Variants in FARP1 observed in about 807,000 individuals in gnomAD.
FARP1 encodes FERM, ARH/RhoGEF and pleckstrin domain protein 1, also known as FERM, ARHGEF and pleckstrin domain-containing protein 1.
FARP1 carries 52 observed loss-of-function variants against 128.8 expected under a neutral mutation model. The ratio of observed to expected loss-of-function variants is 0.40; its 90% CI spans 0.32 to 0.51. The LOEUF (loss-of-function observed/expected upper bound fraction) is 0.51, where lower values mean the gene tolerates loss of function less well. Ranked by LOEUF, FARP1 falls within the 20% of genes least tolerant of loss-of-function variation. FARP1 has a pLI of 0.45. For missense variants in FARP1, 1,333 were observed against 1,367.9 expected (o/e 0.97, Z 0.40); for synonymous variants, 580 against 551.8 (o/e 1.05, Z -0.72).
chr13:98,411,494 A>T (rs1347350570), intron 15 of FARP1, among the ~76,000 whole-genome samples: 1 of 152,200 alleles, frequency 6.6e-6, no homozygotes. Context: ...AGGTTTGGCC[A>T]CCTTCATGCC....
At chr13:98,377,061 G>A (rs1245027576) in intron 5 of FARP1, among the ~76,000 whole-genome samples, 1 of 152,098 alleles carries the variant, frequency 6.6e-6, no homozygotes, top group African/African-American at 2.4e-5. Context: ...CCAGCACTTT[G>A]GGAGGCCGAG....
chr13:98,445,778 C>CGGTG, intron 24 of FARP1: 2 of 226,504 alleles, frequency 8.8e-6, no homozygotes, highest in Non-Finnish European at 8.9e-6. Context: ...AGTGTGATCT[C>CGGTG]GTCTTCACTA....
At chr13:98,227,316 A>G (rs1381088293) in intron 2 of FARP1, among the ~76,000 whole-genome samples, 3 of 152,174 alleles carry the variant, frequency 2.0e-5, no homozygotes, top group Non-Finnish European at 4.4e-5. Context: ...CCACGTTGAA[A>G]AAATGTCTTC....
At chr13:98,444,977 G>A (rs1892731364) in intron 24 of FARP1, among the ~76,000 whole-genome samples, 1 of 152,182 alleles carries the variant, frequency 6.6e-6, no homozygotes, top group African/African-American at 2.4e-5. Context: ...GATGGCTGGA[G>A]CTGCCTGCCT....
intron 2 of FARP1, among the ~76,000 whole-genome samples, chr13:98,277,448 A>G (rs1310777459): frequency 2.0e-5 from 3 of 152,134 alleles, no homozygotes; most frequent in Non-Finnish European, 4.4e-5. Flanking sequence ...GTTTTATACC[A>G]TGCCTGGCTT....
chr13:98,221,203 T>C, intron 2 of FARP1, among the ~76,000 whole-genome samples: 1 of 152,210 alleles, frequency 6.6e-6, no homozygotes, highest in Non-Finnish European at 1.5e-5. Flanking sequence ...CAGATTTGGT[T>C]CTCATGAAAG....
chr13:98,295,970 T>C (rs576358558), intron 2 of FARP1, among the ~76,000 whole-genome samples: 1 of 152,300 alleles, frequency 6.6e-6, no homozygotes, highest in African/African-American at 2.4e-5. Flanking sequence ...CCTTAGGTGG[T>C]TGCTTAGCCT....
At chr13:98,371,094 A>G (rs1243759742) in intron 5 of FARP1, among the ~76,000 whole-genome samples, 1 of 151,904 alleles carries the variant, frequency 6.6e-6, no homozygotes, top group Non-Finnish European at 1.5e-5. Context: ...CTGTTGGAGG[A>G]ATGTAGTTGT....
chr13:98,409,320 C>A lies in FARP1; in HGVS notation c.1415-18C>A. ...AAAATTACTTTTTTTTTCTTTAAAACTTCTCATCCCCAAACAGGCTCCCTG... is the reference window on the plus strand; with the variant it reads ...AAAATTACTTTTTTTTTCTTTAAAAATTCTCATCCCCAAACAGGCTCCCTG... On this transcript the variant is annotated intron_variant, in intron 13 of 26. Coordinates refer to ENST00000319562, the MANE Select transcript of FARP1 (RefSeq NM_005766.4). The A allele has an allele frequency of 1.3e-6, 2 of 1,544,440 alleles. No homozygotes were observed. The highest frequency in any genetic ancestry group is 1.2e-5 in the South Asian group (1 of 83,642).
intron 3 of FARP1, among the ~76,000 whole-genome samples, chr13:98,364,561 C>G (rs1024829474): frequency 5.9e-5 from 9 of 152,282 alleles, no homozygotes; most frequent in South Asian, 2.1e-4. Flanking sequence ...AACCCTCTTT[C>G]TATTAAGCAC....
chr13:98,351,248 A>G (rs915067792), intron 3 of FARP1, among the ~76,000 whole-genome samples: 1 of 152,192 alleles, frequency 6.6e-6, no homozygotes, highest in Non-Finnish European at 1.5e-5. Context: ...TCATACCTGA[A>G]TAAGAAATGT....
chr13:98,349,282 G>A (rs1888305863), intron 3 of FARP1, among the ~76,000 whole-genome samples: 1 of 152,190 alleles, frequency 6.6e-6, no homozygotes, highest in Non-Finnish European at 1.5e-5. Flanking sequence ...AGCCCAGCAG[G>A]TCTCATGGCA....
intron 2 of FARP1, among the ~76,000 whole-genome samples, chr13:98,284,455 G>C (rs1885074346): frequency 6.6e-6 from 1 of 152,140 alleles, no homozygotes; most frequent in South Asian, 2.1e-4. Flanking sequence ...TCCCTGAGAA[G>C]TGTTCCCCCA....
chr13:98,212,666 T>G (rs1016700734), intron 1 of FARP1, among the ~76,000 whole-genome samples: 2 of 152,204 alleles, frequency 1.3e-5, no homozygotes, highest in Non-Finnish European at 2.9e-5. Flanking sequence ...GTTATTGTAA[T>G]AGAAATAGAC....
chr13:98,435,847 A>T (rs767823879), intron 19 of FARP1, 141 bp downstream of exon 19: 1 of 860,774 alleles, frequency 1.2e-6, no homozygotes, highest in Admixed American at 1.8e-5. Context: ...AACTGGAAAA[A>T]CACAACAGTG....
chr13:98,261,983 T>C (rs762986348), intron 2 of FARP1, among the ~76,000 whole-genome samples: 9 of 151,952 alleles, frequency 5.9e-5, no homozygotes, highest in Non-Finnish European at 1.3e-4. Flanking sequence ...CTAGTTTTGC[T>C]TCCTATAGGT....
chr13:98,405,718 TTAA>T (rs1200152870), intron 13 of FARP1: 1 of 152,242 alleles, frequency 6.6e-6, no homozygotes, highest in African/African-American at 2.4e-5. Flanking sequence ...ACCTATTGCC[TTAA>T]TAGCAGGTGC....
At chr13:98,224,540 AAAAAAG>A (rs1404241047) in intron 2 of FARP1, among the ~76,000 whole-genome samples, 2 of 30,090 alleles carry the variant, frequency 6.6e-5, no homozygotes, top group African/African-American at 6.4e-5. Context: ...AAAAAAAAAA[AAAAAAG>A]AAAAAAAAAA....
chr13:98,330,701 G>A (rs566139965), intron 2 of FARP1, among the ~76,000 whole-genome samples: 1 of 151,706 alleles, frequency 6.6e-6, no homozygotes, highest in Non-Finnish European at 1.5e-5. Context: ...GTTGCAGTGC[G>A]CCAAGATCAC....
Sources: gnomAD v4.1 joint callset for allele counts (sites outside exome capture counted in the v4.1 genomes callset) on GRCh38, gnomAD v4.1.1 for gene constraint, MANE v1.5 for transcripts, NCBI Gene and HGNC (gene_info 2026-07-23, HGNC 2026-07-21) for gene names.